MCF2L2: variants seen among roughly 807,000 people sequenced by gnomAD.
MCF2L2 encodes probable guanine nucleotide exchange factor MCF2L2.
In MCF2L2, 102 loss-of-function variants were observed where a neutral mutation model predicts 150.2. The ratio of observed to expected loss-of-function variants is 0.68; its 90% CI spans 0.58 to 0.80. The LOEUF is 0.80. MCF2L2 is among the 30% of genes least tolerant of loss of function. The pLI, the probability that MCF2L2 is intolerant of heterozygous loss-of-function variation, is 0.00. For missense variants in MCF2L2, 1,256 were observed against 1,372.8 expected (o/e 0.91, Z 1.34); for synonymous variants, 465 against 491.3 (o/e 0.95, Z 0.71).
In MCF2L2 at chr3:183,395,935, A is replaced by AAG. The variant is rs1553794480; in HGVS notation, c.77-6157_77-6156insCT. Reference sequence around the variant, plus strand: ...ATCGTCTCAAAAAAAAAAAAAAAAAAAAAGAAAGAAAGAAAGAAAGAAAGA... The same window carrying AAG: ...ATCGTCTCAAAAAAAAAAAAAAAAAAAGAAAGAAAGAAAGAAAGAAAGAAAGA... On this transcript the variant is annotated intron_variant, in intron 1 of 29. Transcript: ENST00000328913. Among the ~76,000 whole-genome samples, 296 of 98,968 alleles carry AAG rather than the reference A, an allele frequency of 3.0e-3. 1 individual carries two copies. Among genetic ancestry groups the AAG allele is most frequent in the African/African-American group, 8.7e-3 (288 of 33,012 alleles). 64.9% of individuals were successfully genotyped at this position (98,968 alleles called of 152,430 possible).
intron 2 of MCF2L2, among the ~76,000 whole-genome samples, chr3:183,388,684 G>A (rs550462179): frequency 3.3e-5 from 5 of 152,270 alleles, no homozygotes; most frequent in East Asian, 3.9e-4. Flanking sequence ...CTGATATGGC[G>A]GAAAGACCAG....
intron 2 of MCF2L2, among the ~76,000 whole-genome samples, chr3:183,388,723 G>C (rs987229931): frequency 1.3e-5 from 2 of 152,204 alleles, no homozygotes; most frequent in Admixed American, 1.3e-4. Flanking sequence ...CCTGGATTGT[G>C]TAAGATGTGG....
At chr3:183,318,251 G>A in intron 6 of MCF2L2, 34 bp from the exon 7 acceptor site, 1 of 1,611,884 alleles carries the variant, frequency 6.2e-7, no homozygotes, top group Non-Finnish European at 8.5e-7. Context: ...AATATGGAGA[G>A]ATTAACATTC....
At chr3:183,312,122 G>C (rs1181480819) in intron 7 of MCF2L2, among the ~76,000 whole-genome samples, 2 of 152,178 alleles carry the variant, frequency 1.3e-5, no homozygotes, top group Admixed American at 1.3e-4. Context: ...GAAAATGATA[G>C]ATACTGAATG....
intron 1 of MCF2L2, among the ~76,000 whole-genome samples, chr3:183,423,795 C>T (rs926238630): frequency 4.6e-5 from 7 of 151,964 alleles, no homozygotes; most frequent in African/African-American, 1.2e-4. Context: ...TGCATCACCA[C>T]GCCTGGCTAA....
chr3:183,345,574 C>A (rs927856247), intron 3 of MCF2L2, among the ~76,000 whole-genome samples: 1 of 152,066 alleles, frequency 6.6e-6, no homozygotes, highest in Admixed American at 6.6e-5. Context: ...AAGATCAGAG[C>A]AGAACTGAAG....
intron 1 of MCF2L2, among the ~76,000 whole-genome samples, chr3:183,427,692 GC>G (rs1439153670): frequency 6.6e-6 from 1 of 151,920 alleles, no homozygotes; most frequent in South Asian, 2.1e-4. Context: ...ACCAGCCTCG[GC>G]CCCCCGACCC....
At chr3:183,332,313 C>T (rs1254243304) in intron 5 of MCF2L2, among the ~76,000 whole-genome samples, 2 of 152,128 alleles carry the variant, frequency 1.3e-5, no homozygotes, top group Non-Finnish European at 2.9e-5. Context: ...GAATGCCCTA[C>T]TCAATGTGCC....
At chr3:183,427,194 A>C (rs1335397010) in intron 1 of MCF2L2, among the ~76,000 whole-genome samples, 2 of 152,204 alleles carry the variant, frequency 1.3e-5, no homozygotes, top group East Asian at 3.9e-4. Flanking sequence ...CTAAGAAAAA[A>C]CTGACTGGGA....
At chr3:183,323,764 T>C (rs1472762338) in intron 5 of MCF2L2, among the ~76,000 whole-genome samples, 1 of 148,130 alleles carries the variant, frequency 6.8e-6, no homozygotes, top group African/African-American at 2.5e-5. Flanking sequence ...ACCATGGCAC[T>C]CCAGCCTGGG....
chr3:183,202,995 G>A (rs1267686320), intron 25 of MCF2L2, among the ~76,000 whole-genome samples: 5 of 152,144 alleles, frequency 3.3e-5, no homozygotes, highest in Non-Finnish European at 5.9e-5. Flanking sequence ...GATCACCAGA[G>A]GTCAGGAGTT....
intron 15 of MCF2L2, among the ~76,000 whole-genome samples, chr3:183,257,427 T>C (rs975571596): frequency 6.6e-6 from 1 of 152,226 alleles, no homozygotes; most frequent in Non-Finnish European, 1.5e-5. Flanking sequence ...ATCCTGCCCA[T>C]GGCCTACTAC....
At chr3:183,334,012 T>G (rs1730371833) in intron 5 of MCF2L2, among the ~76,000 whole-genome samples, 2 of 140,686 alleles carry the variant, frequency 1.4e-5, no homozygotes, top group African/African-American at 5.2e-5. Flanking sequence ...GACACAAGAG[T>G]CAGCTTGAAG....
At chr3:183,294,737 T>G (rs1577035282) in intron 13 of MCF2L2, among the ~76,000 whole-genome samples, 2 of 151,544 alleles carry the variant, frequency 1.3e-5, no homozygotes, top group East Asian at 3.9e-4. Flanking sequence ...CACGCCATTC[T>G]CCTGCCTCAG....
chr3:183,301,328 T>C (rs555614485), intron 10 of MCF2L2, among the ~76,000 whole-genome samples: 6 of 152,100 alleles, frequency 3.9e-5, no homozygotes. Flanking sequence ...ACAGAGGCAA[T>C]AAACAAGTGC....
chr3:183,303,823 G>T (rs1024465821), intron 10 of MCF2L2, among the ~76,000 whole-genome samples: 4 of 151,998 alleles, frequency 2.6e-5, no homozygotes, highest in Non-Finnish European at 4.4e-5. Flanking sequence ...CCCTTTCCTG[G>T]GCGCCCAGGG....
At chr3:183,424,962 C>A (rs906344557) in intron 1 of MCF2L2, among the ~76,000 whole-genome samples, 2 of 151,732 alleles carry the variant, frequency 1.3e-5, no homozygotes, top group African/African-American at 4.8e-5. Flanking sequence ...CTTTATAGGC[C>A]AAACAGTGAA....
intron 20 of MCF2L2, 91 bp downstream of exon 20, chr3:183,223,255 A>G (rs1468199537): frequency 3.2e-6 from 3 of 937,124 alleles, no homozygotes; most frequent in South Asian, 1.4e-5. Context: ...TTAGAAGACC[A>G]AGGCACAGCT....
chr3:183,259,526 T>A (rs1434190232), intron 15 of MCF2L2, among the ~76,000 whole-genome samples: 1 of 152,240 alleles, frequency 6.6e-6, no homozygotes, highest in Admixed American at 6.5e-5. Context: ...ATCTTCAGAT[T>A]TTCCCTGCCT....
Sources: gnomAD v4.1 joint callset for allele counts (sites outside exome capture counted in the v4.1 genomes callset) on GRCh38, gnomAD v4.1.1 for gene constraint, MANE v1.5 for transcripts, NCBI Gene and HGNC (gene_info 2026-07-23, HGNC 2026-07-21) for gene names.